The following ACTR1A variants were observed in gnomAD, a reference collection of about 807,000 sequenced individuals.
ACTR1A encodes actin related protein 1A.
A neutral mutation model predicts 50.7 loss-of-function variants in ACTR1A; 10 were observed. The ratio of observed to expected loss-of-function variants is 0.20; its 90% CI spans 0.12 to 0.33. The LOEUF (loss-of-function observed/expected upper bound fraction) is 0.33. Among genes scored for constraint, ACTR1A ranks in the 10% least tolerant of loss-of-function variants. ACTR1A has a pLI of 1.00. For synonymous variants in ACTR1A, 177 were observed against 184.2 expected (o/e 0.96, Z 0.32); for missense variants, 253 against 491.7 (o/e 0.51, Z 4.59).
chr10:102,492,618 C>G (rs1457855293), intron 1 of ACTR1A, among the ~76,000 whole-genome samples: 1 of 152,202 alleles, frequency 6.6e-6, no homozygotes, highest in African/African-American at 2.4e-5. Context: ...CCTTGACTCT[C>G]TTATTCCTGC....
At position 102,482,874 on chromosome 10, in the gene ACTR1A, G is replaced by A. The variant is rs1164493285; in HGVS notation, c.750+137C>T. 4.2e-6 allele frequency: 3 copies of A among 713,632 alleles called. No individual in the cohort carries two copies. The highest frequency in any genetic ancestry group is 3.5e-5 in the African/African-American group (2 of 57,082). The allele number at this position is 713,632 out of a possible 1,614,324, so 44.2% of individuals were successfully genotyped here. A position where few individuals can be genotyped will look rare whatever the true frequency, so the allele number is the denominator to read the frequency against. ...TGAAAGCCATCCTGGGCCACGTGCA[G>A]CCCATGGGCCAGGGGTTGGACAAGC... On this transcript the variant is annotated intron_variant, in intron 7 of 10. Transcript: ENST00000369905. This position sits in a 1 kb window ranked among gnomAD's most constrained non-coding sequence, Gnocchi z 5.6.
intron 1 of ACTR1A, among the ~76,000 whole-genome samples, chr10:102,498,072 C>T (rs1311440928): frequency 1.2e-4 from 17 of 145,382 alleles, no homozygotes; most frequent in African/African-American, 4.1e-4. Context: ...ACCTGGGCAA[C>T]AGAGTGAGAC....
chr10:102,500,058 C>T (rs1370501092), intron 1 of ACTR1A, among the ~76,000 whole-genome samples: 1 of 152,126 alleles, frequency 6.6e-6, no homozygotes, highest in Non-Finnish European at 1.5e-5. Context: ...TTTCCCAACA[C>T]CACTAAACCT....
At chr10:102,502,036 CG>C (rs1248285864) in intron 1 of ACTR1A, among the ~76,000 whole-genome samples, 1 of 152,224 alleles carries the variant, frequency 6.6e-6, no homozygotes, top group African/African-American at 2.4e-5. Flanking sequence ...CGGCTGAGAC[CG>C]AAGGAAAACT....
intron 1 of ACTR1A, among the ~76,000 whole-genome samples, chr10:102,500,761 AC>A (rs1382703902): frequency 6.7e-6 from 1 of 149,092 alleles, no homozygotes; most frequent in Admixed American, 6.7e-5. Flanking sequence ...TGTTCCCTCC[AC>A]CCCCCCACAC....
intron 1 of ACTR1A, among the ~76,000 whole-genome samples, chr10:102,497,469 C>T (rs12570859): frequency 0.46 from 69,943 of 151,882 alleles, 17,072 homozygotes; most frequent in Middle Eastern, 0.61. Context: ...CTCCTATACT[C>T]CCAGCTACTT....
intron 1 of ACTR1A, among the ~76,000 whole-genome samples, chr10:102,500,094 A>G (rs1430884869): frequency 6.6e-6 from 1 of 152,196 alleles, no homozygotes. Context: ...CTTTTTCCAC[A>G]AGGATTTAAT....
chr10:102,480,752 T>C lies in ACTR1A; in HGVS notation c.*111A>G. On this transcript the variant is annotated 3_prime_UTR_variant, in exon 11 of 11. Coordinates refer to ENST00000369905, the MANE Select transcript of ACTR1A (RefSeq NM_005736.4). ...GCACTCGCATGTGCACACACACTCA[T>C]ATCCACACACGCACTCACACACAGG... The C allele has an allele frequency of 1.1e-6, 1 of 903,464 alleles. No homozygotes were observed. Among genetic ancestry groups the C allele is most frequent in the South Asian group, 1.4e-5 (1 of 70,234 alleles). 56.0% of individuals were successfully genotyped at this position (903,464 alleles called of 1,614,324 possible).
chr10:102,498,739 C>T (rs1051925197), intron 1 of ACTR1A, among the ~76,000 whole-genome samples: 3 of 151,818 alleles, frequency 2.0e-5, no homozygotes, highest in Admixed American at 6.6e-5. Flanking sequence ...TTCCAAAATG[C>T]TGGAATTACA....
In ACTR1A at chr10:102,481,846, C is replaced by T; in HGVS notation, c.978G>A (p.Val326=). Residue 326 remains valine, a synonymous_variant, in exon 9 of 11, where the codon GTG becomes GTA. Transcript: ENST00000369905. ...SEVKKLAPKD[V]KIRISAPQER... ...CCCACCATGCTCCTACCCTGATCTT[C>T]ACATCTTTTGGAGCTAGTTTCTTCA... is the stretch of plus-strand genomic sequence containing the variant. The T allele has an allele frequency of 6.2e-7, 1 of 1,612,366 alleles. No homozygotes were observed. The highest frequency in any genetic ancestry group is 8.5e-7 in the Non-Finnish European group (1 of 1,180,024).
At chr10:102,483,793 C>T (rs1333962738) in intron 6 of ACTR1A, 6 of 221,452 alleles carry the variant, frequency 2.7e-5, no homozygotes, top group Admixed American at 1.5e-4. Context: ...TACAGTGAGC[C>T]GAGATCACAC....
At chr10:102,495,855 G>C (rs2099889080) in intron 1 of ACTR1A, among the ~76,000 whole-genome samples, 1 of 149,134 alleles carries the variant, frequency 6.7e-6, no homozygotes, top group South Asian at 2.2e-4. Flanking sequence ...CCGCCTCCCG[G>C]GTCCAAAGCC....
intron 1 of ACTR1A, among the ~76,000 whole-genome samples, chr10:102,500,799 A>T (rs1211222167): frequency 6.7e-6 from 1 of 149,638 alleles, no homozygotes; most frequent in Admixed American, 6.6e-5. Context: ...TCTGCCAGGC[A>T]CGGTGGCTCA....
chr10:102,489,035 A>G lies in ACTR1A; in HGVS notation c.189+28T>C, dbSNP rs763698728. On this transcript the variant is annotated intron_variant, in intron 3 of 10. Coordinates refer to ENST00000369905, the MANE Select transcript of ACTR1A (RefSeq NM_005736.4). ...ATAATGAAGGTCCTCTGCTGGCTTA[A>G]GGCTTGTTCTGTAGGCCTGGGAATT... 8 of 1,502,734 alleles carry G rather than the reference A, an allele frequency of 5.3e-6. No homozygotes were observed. In the South Asian group the frequency reaches 1.1e-4, roughly 20 times the overall value. The allele number at this position is 1,502,734 out of a possible 1,614,324, so 93.1% of individuals were successfully genotyped here. A position where few individuals can be genotyped will look rare whatever the true frequency, so the allele number is the denominator to read the frequency against.
chr10:102,483,117 C>G lies in ACTR1A; in HGVS notation c.658-14G>C. 1 of 1,600,894 alleles carries G rather than the reference C, an allele frequency of 6.2e-7. No homozygotes were observed. The highest frequency in any genetic ancestry group is 1.1e-5 in the South Asian group (1 of 90,836). On this transcript the variant is annotated splice_polypyrimidine_tract_variant and intron_variant, in intron 6 of 10. Coordinates refer to ENST00000369905, the MANE Select transcript of ACTR1A (RefSeq NM_005736.4). ...GTAACAGGCTCTCTGCAGATCCAAGCAAGACAGTCAGGCTGGCAGGAAATC... is the reference window on the plus strand; with the variant it reads ...GTAACAGGCTCTCTGCAGATCCAAGGAAGACAGTCAGGCTGGCAGGAAATC...
chr10:102,500,267 C>T (rs960830126), intron 1 of ACTR1A, among the ~76,000 whole-genome samples: 21 of 152,104 alleles, frequency 1.4e-4, no homozygotes. Flanking sequence ...AACCCCATCT[C>T]TACTAAAAAT....
intron 1 of ACTR1A, 64 bp downstream of exon 1, chr10:102,502,536 G>A (rs1228421892): frequency 5.0e-6 from 8 of 1,585,476 alleles, no homozygotes; most frequent in Non-Finnish European, 6.9e-6. Context: ...GCTGAACCCC[G>A]GGAAGCGATC....
chr10:102,482,699 T>C lies in ACTR1A; in HGVS notation c.750+312A>G. The C allele has an allele frequency of 2.9e-6, 1 of 348,448 alleles. No individual in the cohort carries two copies. The highest frequency in any genetic ancestry group is 6.0e-5 in the East Asian group (1 of 16,722). The allele number at this position is 348,448 out of a possible 1,614,324, so 21.6% of individuals were successfully genotyped here. ...TGTAAGGCTGGGGTGTCCAGTCTTT[T>C]GGCTTCCCTGGGCCACATTGGAAGA... On this transcript the variant is annotated intron_variant, in intron 7 of 10. Coordinates refer to ENST00000369905, the MANE Select transcript of ACTR1A (RefSeq NM_005736.4). The surrounding 1 kb of genome is among the most constrained non-coding windows in gnomAD (Gnocchi z 5.6).
intron 5 of ACTR1A, among the ~76,000 whole-genome samples, chr10:102,485,152 C>T (rs1235461209): frequency 1.3e-5 from 2 of 152,190 alleles, no homozygotes; most frequent in East Asian, 3.8e-4. Flanking sequence ...GTAGACCTCA[C>T]TCTGGTGTGA....
Sources: allele counts gnomAD v4.1 joint callset (sites outside exome capture counted in the v4.1 genomes callset), GRCh38; gene constraint gnomAD v4.1.1; non-coding constraint Gnocchi (gnomAD v3.1); transcripts MANE v1.5; gene names NCBI Gene and HGNC (gene_info 2026-07-23, HGNC 2026-07-21).